Variants in CUBN observed in about 807,000 individuals in gnomAD.
The protein encoded by CUBN is cubilin.
In CUBN, 282 loss-of-function variants were observed where a neutral mutation model predicts 405.3. The observed-to-expected ratio is 0.70, with a 90% CI of 0.63 to 0.77. The LOEUF is 0.77. CUBN is among the 30% of genes least tolerant of loss of function. The probability of loss-of-function intolerance (pLI) is 0.00; values close to 1 mark genes in which losing one functional copy is unlikely to be tolerated. For missense variants in CUBN, 4,514 were observed against 4,475.2 expected (o/e 1.01, Z -0.25); for synonymous variants, 1,684 against 1,617.0 (o/e 1.04, Z -0.99).
chr10:16,922,116 T>C (rs1265847924), intron 43 of CUBN, among the ~76,000 whole-genome samples: 1 of 149,456 alleles, frequency 6.7e-6, no homozygotes, highest in African/African-American at 2.5e-5. Context: ...ACACTAGAAT[T>C]AGGTTCCATG....
intron 53 of CUBN, 41 bp downstream of exon 53, chr10:16,900,584 T>C (rs765504946): frequency 1.4e-6 from 2 of 1,438,856 alleles, no homozygotes; most frequent in Middle Eastern, 1.7e-4. Flanking sequence ...ATACTATACA[T>C]CACTAAAAAG....
intron 59 of CUBN, among the ~76,000 whole-genome samples, chr10:16,855,067 C>A: frequency 1.1e-5 from 1 of 87,384 alleles, no homozygotes; most frequent in Non-Finnish European, 2.3e-5. Flanking sequence ...CCCCTCCTCT[C>A]TCCTCCCCTC....
chr10:17,124,632 G>A (rs1321605012), intron 4 of CUBN, among the ~76,000 whole-genome samples: 3 of 151,772 alleles, frequency 2.0e-5, no homozygotes, highest in Non-Finnish European at 4.4e-5. Context: ...GTTTCACCGT[G>A]TTAGCCAGGA....
At chr10:17,011,169 G>C (rs935458677) in intron 28 of CUBN, among the ~76,000 whole-genome samples, 2 of 152,204 alleles carry the variant, frequency 1.3e-5, no homozygotes, top group Non-Finnish European at 2.9e-5. Flanking sequence ...TCCAGGGCTA[G>C]ATCACTCTAA....
Position 17,122,846 on chromosome 10 carries a change from G to T in CUBN, c.542C>A (p.Pro181His), listed in dbSNP as rs779359591. The change falls in exon 6 of 67, where the codon CCC becomes CAC. Residue 181 changes from proline (P) to histidine (H), a missense_variant. This residue lies in a region of CUBN where 1,448 missense variants were observed against 1,388.0 expected (regional missense o/e 1.04). Transcript: ENST00000377833. ...VNECEIYSGT[P>H]LSCQNGGTCV... ...TGTGCCTCCATTCTGGCAGCTCAAG[G>T]GTGTTCCTGAGTAAATCTCACATTC... is the stretch of plus-strand genomic sequence containing the variant. 21 of 1,613,766 alleles carry T rather than the reference G, an allele frequency of 1.3e-5. No homozygotes were observed. Among genetic ancestry groups the T allele is most frequent in the Non-Finnish European group, 1.6e-5 (19 of 1,179,936 alleles).
chr10:16,934,140 G>A (rs1842434170), intron 39 of CUBN, among the ~76,000 whole-genome samples: 1 of 152,170 alleles, frequency 6.6e-6, no homozygotes, highest in Non-Finnish European at 1.5e-5. Context: ...ACAAAGCTAG[G>A]AGGAGAGAGA....
At chr10:17,026,861 T>C (rs1296731441) in intron 27 of CUBN, among the ~76,000 whole-genome samples, 1 of 152,138 alleles carries the variant, frequency 6.6e-6, no homozygotes, top group Non-Finnish European at 1.5e-5. Context: ...CATAGCATGC[T>C]CCCTGACATA....
At chr10:17,038,095 T>C (rs1259218322) in intron 27 of CUBN, among the ~76,000 whole-genome samples, 2 of 152,230 alleles carry the variant, frequency 1.3e-5, no homozygotes, top group South Asian at 2.1e-4. Context: ...TGAGCCACCG[T>C]GCCCAGCCAC....
intron 21 of CUBN, among the ~76,000 whole-genome samples, chr10:17,067,064 T>C (rs975746621): frequency 2.0e-5 from 3 of 152,112 alleles, no homozygotes; most frequent in Admixed American, 6.6e-5. Flanking sequence ...TACAGGAATA[T>C]GACAATGTCC....
intron 22 of CUBN, among the ~76,000 whole-genome samples, chr10:17,050,301 T>A (rs1291958502): frequency 6.6e-6 from 1 of 152,162 alleles, no homozygotes; most frequent in Non-Finnish European, 1.5e-5. Context: ...AGTACAAGAT[T>A]GTGATTCTTG....
intron 31 of CUBN, among the ~76,000 whole-genome samples, chr10:16,960,961 A>C (rs1417964809): frequency 6.6e-6 from 1 of 152,236 alleles, no homozygotes; most frequent in Non-Finnish European, 1.5e-5. Context: ...CCCAAGGCCC[A>C]GAGTATTCTG....
rs182577809 is a variant in CUBN at position 17,036,957 on chromosome 10, A to G, written c.4017+4076T>C. Reference sequence around the variant, plus strand: ...TCGGTGTGGAGTTACAGTGCCTGCTAGAAAGCCGGCCTTGACACTTATAAT... The same window carrying G: ...TCGGTGTGGAGTTACAGTGCCTGCTGGAAAGCCGGCCTTGACACTTATAAT... On this transcript the variant is annotated intron_variant, in intron 27 of 66. Coordinates refer to ENST00000377833, the MANE Select transcript of CUBN (RefSeq NM_001081.4). Among the ~76,000 whole-genome samples the G allele has an allele frequency of 4.6e-5, 7 of 152,316 alleles. No homozygotes were observed. The South Asian group carries it at 8.3e-4, about 18-fold the overall frequency.
chr10:16,870,553 AG>A (rs1227454621), intron 58 of CUBN, among the ~76,000 whole-genome samples: 2 of 152,240 alleles, frequency 1.3e-5, no homozygotes, highest in African/African-American at 4.8e-5. Context: ...TGTAAGCAGA[AG>A]GGATACATAT....
In CUBN at chr10:17,100,243, A is replaced by C; in HGVS notation, c.1531-4T>G. ...AAGTGAAAGTGATACGCAGGACCTA[A>C]AAATACAAAGGCCACATATATTATC... On this transcript the variant is annotated splice_region_variant and splice_polypyrimidine_tract_variant and intron_variant, in intron 13 of 66. Transcript: ENST00000377833. The C allele has an allele frequency of 6.4e-7, 1 of 1,569,898 alleles. No homozygotes were observed. The highest frequency in any genetic ancestry group is 8.8e-7 in the Non-Finnish European group (1 of 1,140,118).
At chr10:16,826,499 T>C (rs531415851) in intron 66 of CUBN, among the ~76,000 whole-genome samples, 4 of 152,352 alleles carry the variant, frequency 2.6e-5, no homozygotes, top group African/African-American at 7.2e-5. Context: ...CTGTACTTCA[T>C]GTTTTATACT....
chr10:16,990,920 T>G (rs1833565693), intron 28 of CUBN, among the ~76,000 whole-genome samples: 1 of 152,194 alleles, frequency 6.6e-6, no homozygotes, highest in Admixed American at 6.5e-5. Flanking sequence ...GGGCCTTCAG[T>G]GTCCTTGTAG....
chr10:16,925,770 G>A lies in CUBN; in HGVS notation c.6276C>T (p.Cys2092=), dbSNP rs146319349. The A allele has an allele frequency of 3.2e-3, 5,179 of 1,613,586 alleles. 12 individuals are homozygous for A. Among genetic ancestry groups the A allele is most frequent in the Admixed American group, 5.2e-3 (313 of 59,974 alleles). ...AGFNASFHKS[C]GGYLHADRGI... ...CTCTGTCTGCATGCAAATATCCACC[G>A]CAGCCTTCCCACAAAGAAACAAAGG... Residue 2092 remains cysteine (C), a synonymous_variant, in exon 42 of 67, where the codon TGC becomes TGT. Coordinates refer to ENST00000377833, the MANE Select transcript of CUBN (RefSeq NM_001081.4).
At chr10:16,843,659 C>G (rs780829) in intron 60 of CUBN, among the ~76,000 whole-genome samples, 79,487 of 151,924 alleles carry the variant, frequency 0.52, 25,060 homozygotes, top group Non-Finnish European at 0.71. Flanking sequence ...TATTAGCAAG[C>G]ATTTTTATTC....
chr10:16,965,321 G>C (rs111652285), intron 31 of CUBN, among the ~76,000 whole-genome samples: 1 of 152,172 alleles, frequency 6.6e-6, no homozygotes, highest in Non-Finnish European at 1.5e-5. Flanking sequence ...AAGTAAAGCT[G>C]AGCATACATT....
Sources: gnomAD v4.1 joint callset for allele counts (sites outside exome capture counted in the v4.1 genomes callset) on GRCh38, gnomAD v4.1.1 for gene constraint, gnomAD v4.1.1 regional missense constraint, MANE v1.5 for transcripts, NCBI Gene and HGNC (gene_info 2026-07-23, HGNC 2026-07-21) for gene names.